The following KAZN variants were observed in gnomAD, a reference collection of about 807,000 sequenced individuals.
KAZN encodes the protein kazrin, periplakin interacting protein, also known as kazrin.
Under a neutral mutation model 87.4 loss-of-function variants are expected in KAZN, and 40 were observed. The observed-to-expected ratio is 0.46, with a 90% CI of 0.36 to 0.60. The LOEUF (loss-of-function observed/expected upper bound fraction) is 0.60. Among genes scored for constraint, KAZN ranks in the 20% least tolerant of loss-of-function variants. The pLI, the probability that KAZN is intolerant of heterozygous loss-of-function variation, is 0.00. For missense variants in KAZN, 898 were observed against 1,073.9 expected (o/e 0.84, Z 2.29); for synonymous variants, 466 against 458.3 (o/e 1.02, Z -0.22).
chr1:14,521,738 A>G (rs1258725978), intron 2 of KAZN, among the ~76,000 whole-genome samples: 1 of 152,114 alleles, frequency 6.6e-6, no homozygotes, highest in East Asian at 1.9e-4. Flanking sequence ...CTTTTCTTTG[A>G]AAACTGGGGA....
chr1:14,544,486 A>G (rs1673017697), intron 2 of KAZN, among the ~76,000 whole-genome samples: 1 of 151,540 alleles, frequency 6.6e-6, no homozygotes, highest in Admixed American at 6.6e-5. Flanking sequence ...TATGCAAAGG[A>G]GAAACATAGA....
At chr1:13,994,439 C>T (rs6693808) in intron 1 of KAZN, among the ~76,000 whole-genome samples, 20,757 of 152,198 alleles carry the variant, frequency 0.14, 1,541 homozygotes, top group Middle Eastern at 0.22. Flanking sequence ...AAATGAAGCT[C>T]ATCATTTTAC....
chr1:14,891,095 C>T (rs1294349037), intron 1 of KAZN, among the ~76,000 whole-genome samples: 3 of 147,942 alleles, frequency 2.0e-5, no homozygotes, highest in Non-Finnish European at 3.0e-5. Context: ...CCACCCGCCT[C>T]GGCCTCCCAA....
Position 15,060,300 on chromosome 1 carries a change from A to G in KAZN, c.1045A>G (p.Asn349Asp). Residue 349 changes from asparagine to aspartate, a missense_variant and splice_region_variant, in exon 6 of 15, where the codon AAC becomes GAC. Physicochemically the swap from Asn to Asp is conservative, Grantham distance 23 (BLOSUM62 1). Transcript: ENST00000376030. ...SPRHRTHSLC[N>D]GDSPGPVQKN... Reference sequence around the variant, plus strand: ...TCGACACCGGACACACTCCCTCTGCAACGTAAGGCCAGCAGCAGCGGGGCC... The same window carrying G: ...TCGACACCGGACACACTCCCTCTGCGACGTAAGGCCAGCAGCAGCGGGGCC... 6.2e-7 allele frequency: 1 copy of G among 1,614,122 alleles called. No homozygotes were observed. Among genetic ancestry groups the G allele is most frequent in the Admixed American group, 1.7e-5 (1 of 60,036 alleles).
chr1:14,341,116 C>A (rs1657691941), intron 2 of KAZN, among the ~76,000 whole-genome samples: 2 of 151,916 alleles, frequency 1.3e-5, no homozygotes, highest in African/African-American at 4.8e-5. Flanking sequence ...TGGTCTCGAA[C>A]TCCTGACCTC....
intron 2 of KAZN, among the ~76,000 whole-genome samples, chr1:14,197,774 G>A (rs920398342): frequency 5.9e-5 from 9 of 152,136 alleles, no homozygotes; most frequent in Admixed American, 3.3e-4. Context: ...GAACAAATAC[G>A]AAGAGTGAGC....
intron 2 of KAZN, among the ~76,000 whole-genome samples, chr1:14,264,421 G>A (rs1171708671): frequency 6.6e-6 from 1 of 152,184 alleles, no homozygotes; most frequent in Non-Finnish European, 1.5e-5. Context: ...AGCGTTGGAA[G>A]GTGGAACCTT....
At chr1:14,467,444 A>G (rs1448844817) in intron 2 of KAZN, among the ~76,000 whole-genome samples, 1 of 152,084 alleles carries the variant, frequency 6.6e-6, no homozygotes, top group Non-Finnish European at 1.5e-5. Flanking sequence ...ATATACAGAA[A>G]ACAAATAGCA....
chr1:14,468,308 G>A (rs1010814353), intron 2 of KAZN, among the ~76,000 whole-genome samples: 3 of 152,118 alleles, frequency 2.0e-5, no homozygotes, highest in African/African-American at 7.2e-5. Flanking sequence ...TAGAGACTGG[G>A]AAAAGGGAAA....
At chr1:14,137,836 G>T (rs1557506118) in intron 1 of KAZN, among the ~76,000 whole-genome samples, 1 of 150,742 alleles carries the variant, frequency 6.6e-6, no homozygotes, top group Non-Finnish European at 1.5e-5. Context: ...AGCCTCCTGA[G>T]TAGCTGGGAT....
At chr1:14,225,271 C>G (rs1647222065) in intron 2 of KAZN, among the ~76,000 whole-genome samples, 1 of 152,058 alleles carries the variant, frequency 6.6e-6, no homozygotes, top group Non-Finnish European at 1.5e-5. Flanking sequence ...AGCTGAGAGT[C>G]AAATCAGGAC....
At chr1:14,127,437 A>G (rs1053128236) in intron 1 of KAZN, among the ~76,000 whole-genome samples, 2 of 148,414 alleles carry the variant, frequency 1.3e-5, no homozygotes, top group African/African-American at 5.0e-5. Context: ...TGTTCTGTGC[A>G]ATATAAAAAT....
intron 1 of KAZN, among the ~76,000 whole-genome samples, chr1:13,941,789 ACTC>A (rs1215843865): frequency 2.0e-5 from 3 of 152,036 alleles, no homozygotes; most frequent in African/African-American, 7.2e-5. Flanking sequence ...CAACAACAAA[ACTC>A]ATGTGTGTGA....
intron 1 of KAZN, among the ~76,000 whole-genome samples, chr1:14,152,351 C>T (rs1343989321): frequency 2.0e-5 from 3 of 152,196 alleles, no homozygotes; most frequent in African/African-American, 7.2e-5. Context: ...CCTTCTCAGC[C>T]TCTGGGAACC....
At chr1:14,293,772 A>G (rs1653901235) in intron 2 of KAZN, among the ~76,000 whole-genome samples, 1 of 152,142 alleles carries the variant, frequency 6.6e-6, no homozygotes, top group Admixed American at 6.5e-5. Flanking sequence ...AACAGCTGCT[A>G]TTAGCAAGCC....
chr1:14,850,382 T>A (rs764493813), intron 1 of KAZN, among the ~76,000 whole-genome samples: 4 of 152,170 alleles, frequency 2.6e-5, no homozygotes, highest in Non-Finnish European at 4.4e-5. Context: ...AGGTTGGTCA[T>A]CTGTGACATG....
intron 1 of KAZN, among the ~76,000 whole-genome samples, chr1:14,646,071 A>G (rs1424056242): frequency 6.6e-6 from 1 of 152,058 alleles, no homozygotes; most frequent in Non-Finnish European, 1.5e-5. Context: ...ATAAGAAAAG[A>G]TCACTAGAGG....
chr1:14,414,253 C>T (rs1324906535), intron 2 of KAZN, among the ~76,000 whole-genome samples: 1 of 150,836 alleles, frequency 6.6e-6, no homozygotes, highest in Non-Finnish European at 1.5e-5. Flanking sequence ...TCAGCATTTC[C>T]ATTTCTAAGA....
rs1202620677 is a variant in KAZN at position 15,056,390 on chromosome 1, G to T, written c.916+110G>T. On this transcript the variant is annotated intron_variant, in intron 5 of 14. Transcript: ENST00000376030. This position sits in a 1 kb window ranked among gnomAD's most constrained non-coding sequence, Gnocchi z 5.4. ...TTGTTCGTACTACAGCAGCTTGGGG[G>T]CGTGGGACAGAGACCTTGGGCTCAT... The T allele has an allele frequency of 1.8e-6, 2 of 1,131,362 alleles. No individual in the cohort carries two copies. Among genetic ancestry groups the T allele is most frequent in the Non-Finnish European group, 1.2e-6 (1 of 813,402 alleles). 70.1% of individuals were successfully genotyped at this position (1,131,362 alleles called of 1,614,324 possible). A position where few individuals can be genotyped will look rare whatever the true frequency, so the allele number is the denominator to read the frequency against.
Sources: gnomAD v4.1 joint callset for allele counts (sites outside exome capture counted in the v4.1 genomes callset) on GRCh38, gnomAD v4.1.1 for gene constraint, Gnocchi (gnomAD v3.1) non-coding constraint, MANE v1.5 for transcripts, NCBI Gene and HGNC (gene_info 2026-07-23, HGNC 2026-07-21) for gene names.